Variants in RSU1 observed in about 807,000 individuals in gnomAD.
RSU1 encodes the protein rsu-1.
In RSU1, 26 loss-of-function variants were observed where a neutral mutation model predicts 31.1. The observed-to-expected ratio is 0.84, with a 90% CI of 0.61 to 1.16. The LOEUF (loss-of-function observed/expected upper bound fraction) is 1.16, where lower values mean the gene tolerates loss of function less well. RSU1 is among the 50% of genes most tolerant of loss of function. RSU1 has a pLI of 0.00. For missense variants in RSU1, 320 were observed against 339.1 expected, an observed-to-expected ratio of 0.94 and a Z score of 0.44; for synonymous variants, 164 against 136.3, an observed-to-expected ratio of 1.20 and a Z score of -1.41.
intron 8 of RSU1, among the ~76,000 whole-genome samples, chr10:16,679,869 GTTTTTTTTTT>G (rs71374699): frequency 1.1e-4 from 14 of 124,636 alleles, no homozygotes; most frequent in African/African-American, 2.2e-4. Flanking sequence ...AAAGACTCAA[GTTTTTTTTTT>G]TTTTTTTTTT....
chr10:16,813,885 G>A (rs1413063488), intron 2 of RSU1, among the ~76,000 whole-genome samples: 2 of 152,198 alleles, frequency 1.3e-5, no homozygotes, highest in Non-Finnish European at 2.9e-5. Flanking sequence ...GTAATTTGCT[G>A]TCTCTAAGGA....
intron 2 of RSU1, among the ~76,000 whole-genome samples, chr10:16,802,332 G>A (rs192316627): frequency 6.6e-6 from 1 of 152,100 alleles, no homozygotes; most frequent in African/African-American, 2.4e-5. Context: ...TAGATAAAAT[G>A]GACCAACTGC....
At chr10:16,786,842 C>T (rs562179644) in intron 2 of RSU1, among the ~76,000 whole-genome samples, 8 of 152,198 alleles carry the variant, frequency 5.3e-5, no homozygotes, top group South Asian at 2.1e-4. Flanking sequence ...ACAGTGAAAC[C>T]GGGACAGCTC....
At chr10:16,700,022 A>T (rs1412354178) in intron 7 of RSU1, among the ~76,000 whole-genome samples, 1 of 152,226 alleles carries the variant, frequency 6.6e-6, no homozygotes, top group Non-Finnish European at 1.5e-5. Context: ...TATAAATGTG[A>T]CTGAATGCAA....
rs1346570739 is a variant in RSU1, at chr10:16,592,009, CTGAT to C, written c.*1381_*1384del. 2 of 152,224 alleles carry C rather than the reference CTGAT, an allele frequency of 1.3e-5. No individual in the cohort carries two copies. Among genetic ancestry groups the C allele is most frequent in the Admixed American group, 6.5e-5 (1 of 15,274 alleles). 9.4% of individuals were successfully genotyped at this position (152,224 alleles called of 1,614,324 possible). On this transcript the variant is annotated 3_prime_UTR_variant, in exon 9 of 9. Transcript: ENST00000345264. ...GTTTAGACCTTGCTCTGTGGCCTCT[CTGAT>C]TGAAATGCGAAGTCTGTTTCCTAAG...
intron 7 of RSU1, among the ~76,000 whole-genome samples, chr10:16,714,909 G>A (rs1240194005): frequency 6.6e-6 from 1 of 152,136 alleles, no homozygotes; most frequent in Non-Finnish European, 1.5e-5. Context: ...ACTGGATTGG[G>A]GGCCTGTGAA....
At chr10:16,625,759 C>T (rs184354419) in intron 8 of RSU1, among the ~76,000 whole-genome samples, 159 of 152,320 alleles carry the variant, frequency 1.0e-3, no homozygotes, top group African/African-American at 3.5e-3. Flanking sequence ...AGGTTATACA[C>T]ACCCATCCTC....
At chr10:16,808,229 A>G (rs1396169824) in intron 2 of RSU1, among the ~76,000 whole-genome samples, 1 of 151,850 alleles carries the variant, frequency 6.6e-6, no homozygotes, top group Non-Finnish European at 1.5e-5. Flanking sequence ...TGTAATCCCA[A>G]CACTTTGAGT....
At chr10:16,733,266 G>C (rs1370842581) in intron 7 of RSU1, among the ~76,000 whole-genome samples, 5 of 149,782 alleles carry the variant, frequency 3.3e-5, no homozygotes, top group African/African-American at 1.2e-4. Context: ...CGAGATGGAC[G>C]GATCACCTGA....
At chr10:16,794,010 G>T (rs1309078717) in intron 2 of RSU1, among the ~76,000 whole-genome samples, 1 of 152,050 alleles carries the variant, frequency 6.6e-6, no homozygotes, top group Non-Finnish European at 1.5e-5. Flanking sequence ...AATAGAATAA[G>T]AAGGCAGAGG....
intron 7 of RSU1, among the ~76,000 whole-genome samples, chr10:16,724,424 AGGGAGGGCATTAGCAAT>A (rs1159340573): frequency 2.0e-5 from 3 of 152,246 alleles, no homozygotes; most frequent in Admixed American, 2.0e-4. Context: ...GACCAAAATG[AGGGAGGGCATTAGCAAT>A]GAACACATGG....
intron 8 of RSU1, among the ~76,000 whole-genome samples, chr10:16,640,676 A>T (rs574477031): frequency 6.6e-6 from 1 of 152,308 alleles, no homozygotes; most frequent in South Asian, 2.1e-4. Flanking sequence ...TCTGCTGGGA[A>T]TGCCTTCCAG....
chr10:16,653,364 T>C (rs578243498), intron 8 of RSU1, among the ~76,000 whole-genome samples: 1 of 152,288 alleles, frequency 6.6e-6, no homozygotes, highest in African/African-American at 2.4e-5. Flanking sequence ...CTCCTACACA[T>C]AATTCTTCTC....
intron 8 of RSU1, among the ~76,000 whole-genome samples, chr10:16,661,531 A>G (rs1179069978): frequency 2.0e-5 from 3 of 152,166 alleles, no homozygotes; most frequent in Non-Finnish European, 4.4e-5. Flanking sequence ...TGCCCATCCA[A>G]CATTAAGCTT....
At chr10:16,615,800 G>A (rs1247975008) in intron 8 of RSU1, among the ~76,000 whole-genome samples, 1 of 152,138 alleles carries the variant, frequency 6.6e-6, no homozygotes, top group Non-Finnish European at 1.5e-5. Flanking sequence ...AATTAAGGCA[G>A]AAAAAAGTAA....
At chr10:16,607,559 A>G (rs1195915387) in intron 8 of RSU1, among the ~76,000 whole-genome samples, 1 of 151,620 alleles carries the variant, frequency 6.6e-6, no homozygotes, top group East Asian at 1.9e-4. Context: ...GGTGGTAACT[A>G]TCTGGCCTGA....
At chr10:16,661,175 A>T (rs1221972542) in intron 8 of RSU1, among the ~76,000 whole-genome samples, 1 of 151,956 alleles carries the variant, frequency 6.6e-6, no homozygotes, top group Non-Finnish European at 1.5e-5. Flanking sequence ...TGGGGGATGT[A>T]GATCTGTGTT....
At chr10:16,725,125 T>C (rs1836360111) in intron 7 of RSU1, among the ~76,000 whole-genome samples, 1 of 152,228 alleles carries the variant, frequency 6.6e-6, no homozygotes. Flanking sequence ...GATCATTCGC[T>C]GAACTATAAG....
intron 8 of RSU1, among the ~76,000 whole-genome samples, chr10:16,693,190 T>G (rs1368586405): frequency 6.6e-6 from 1 of 152,184 alleles, no homozygotes; most frequent in Non-Finnish European, 1.5e-5. Flanking sequence ...TGACCTCAAG[T>G]GATCCACCCG....
Sources: gnomAD v4.1 joint callset for allele counts (sites outside exome capture counted in the v4.1 genomes callset) on GRCh38, gnomAD v4.1.1 for gene constraint, MANE v1.5 for transcripts, NCBI Gene and HGNC (gene_info 2026-07-23, HGNC 2026-07-21) for gene names.